The following FBXW2 variants were observed in gnomAD, a reference collection of about 807,000 sequenced individuals.
FBXW2 encodes the protein F-box and WD repeat domain containing 2.
Under a neutral mutation model 46.0 loss-of-function variants are expected in FBXW2, and 12 were observed. The ratio of observed to expected loss-of-function variants is 0.26; its 90% CI spans 0.17 to 0.42. The LOEUF is 0.42. FBXW2 is among the 10% of genes least tolerant of loss of function. The pLI, the probability that FBXW2 is intolerant of heterozygous loss-of-function variation, is 1.00. For missense variants in FBXW2, 360 were observed against 537.0 expected, an observed-to-expected ratio of 0.67 and a Z score of 3.26; for synonymous variants, 203 against 209.6, an observed-to-expected ratio of 0.97 and a Z score of 0.27.
chr9:120,770,299 C>G (rs1299851919), intron 7 of FBXW2, among the ~76,000 whole-genome samples: 1 of 151,678 alleles, frequency 6.6e-6, no homozygotes, highest in Admixed American at 6.6e-5. Context: ...TGGTGTGAAC[C>G]CTGGAGGCGG....
At chr9:120,771,854 T>A (rs1166654277) in intron 6 of FBXW2, among the ~76,000 whole-genome samples, 1 of 149,594 alleles carries the variant, frequency 6.7e-6, no homozygotes, top group Non-Finnish European at 1.5e-5. Flanking sequence ...AGGTCAGGAG[T>A]TCAAGACCAG....
At chr9:120,785,522 C>CAGAGTGTCT (rs2044701487) in intron 3 of FBXW2, among the ~76,000 whole-genome samples, 1 of 152,218 alleles carries the variant, frequency 6.6e-6, no homozygotes, top group Admixed American at 6.5e-5. Context: ...CCAAAACCAG[C>CAGAGTGTCT]AGAGTGTCTA....
chr9:120,791,083 A>C (rs2044830266), intron 2 of FBXW2, among the ~76,000 whole-genome samples: 2 of 152,220 alleles, frequency 1.3e-5, no homozygotes, highest in Admixed American at 1.3e-4. Context: ...TGCAGAATGC[A>C]CTATTTAAAA....
intron 3 of FBXW2, among the ~76,000 whole-genome samples, chr9:120,783,354 C>T (rs1390841283): frequency 6.6e-6 from 1 of 152,020 alleles, no homozygotes; most frequent in Admixed American, 6.6e-5. Flanking sequence ...AAGAGGTCAC[C>T]AGTGATGCAG....
At chr9:120,786,396 C>T (rs2044724293) in intron 3 of FBXW2, among the ~76,000 whole-genome samples, 1 of 152,216 alleles carries the variant, frequency 6.6e-6, no homozygotes, top group Admixed American at 6.5e-5. Flanking sequence ...AAGGTGCTTG[C>T]TTCCCCTTCG....
At chr9:120,787,115 G>A (rs191648545) in intron 3 of FBXW2, among the ~76,000 whole-genome samples, 14 of 152,250 alleles carry the variant, frequency 9.2e-5, no homozygotes, top group Non-Finnish European at 1.5e-4. Flanking sequence ...TGGAACCTCC[G>A]CCTCCCGGGT....
chr9:120,784,877 C>T lies in FBXW2; in HGVS notation c.490+2892G>A, dbSNP rs528215306. On this transcript the variant is annotated intron_variant, in intron 3 of 7. Transcript: ENST00000608872. ...AGGAGGTTGCAGTGAGCCGAGACTG[C>T]GCCACTGCACTCTAGCCCGGGTGAC... Among the ~76,000 whole-genome samples, 128 of 147,610 alleles carry T rather than the reference C, an allele frequency of 8.7e-4. 1 individual carries two copies. Among genetic ancestry groups the T allele is most frequent in the African/African-American group, 3.0e-3 (118 of 39,938 alleles).
intron 3 of FBXW2, among the ~76,000 whole-genome samples, chr9:120,785,759 G>A (rs1218104270): frequency 6.6e-6 from 1 of 152,030 alleles, no homozygotes; most frequent in Non-Finnish European, 1.5e-5. Context: ...GCCGGGCACG[G>A]TGGCTCACGC....
Position 120,762,951 on chromosome 9 carries a change from C to G in FBXW2, c.*1608G>C, listed in dbSNP as rs1486302356. On this transcript the variant is annotated 3_prime_UTR_variant, in exon 8 of 8. Coordinates refer to ENST00000608872, the MANE Select transcript of FBXW2 (RefSeq NM_012164.4). ...TACTGCTTGCTCCCTCTACTCTCTC[C>G]CTGATTGTGACCACTAACATTTCCA... 1 of 152,160 alleles carries G rather than the reference C, an allele frequency of 6.6e-6. No homozygotes were observed. The highest frequency in any genetic ancestry group is 1.5e-5 in the Non-Finnish European group (1 of 68,038). The allele number at this position is 152,160 out of a possible 1,614,324, so 9.4% of individuals were successfully genotyped here. A position where few individuals can be genotyped will look rare whatever the true frequency, so the allele number is the denominator to read the frequency against.
Position 120,761,982 on chromosome 9 carries a change from G to C in FBXW2, c.*2577C>G, listed in dbSNP as rs2131262695. 6.6e-6 allele frequency: 1 copy of C among 152,340 alleles called. No homozygotes were observed. The highest frequency in any genetic ancestry group is 1.9e-4 in the East Asian group (1 of 5,188). The allele number at this position is 152,340 out of a possible 1,614,324, so 9.4% of individuals were successfully genotyped here. ...CCCTTTGAAGCTATTGGATAGATCT[G>C]AAAGTGAGGTAGGGTGGGGATGGTC... is the stretch of plus-strand genomic sequence containing the variant. On this transcript the variant is annotated 3_prime_UTR_variant, in exon 8 of 8. Transcript: ENST00000608872.
At chr9:120,771,689 T>C (rs2044378105) in intron 6 of FBXW2, among the ~76,000 whole-genome samples, 172 bp from the exon 7 acceptor site, 1 of 152,176 alleles carries the variant, frequency 6.6e-6, no homozygotes, top group South Asian at 2.1e-4. Context: ...TGTGCAATCT[T>C]GGGTAAATTA....
At chr9:120,781,677 T>TATAC (rs1411009189) in intron 3 of FBXW2, among the ~76,000 whole-genome samples, 27 of 119,458 alleles carry the variant, frequency 2.3e-4, no homozygotes, top group South Asian at 6.3e-4. Flanking sequence ...CACACACACA[T>TATAC]ACACACACAC....
At chr9:120,773,131 G>C (rs1400736509) in intron 5 of FBXW2, among the ~76,000 whole-genome samples, 2 of 151,300 alleles carry the variant, frequency 1.3e-5, no homozygotes, top group East Asian at 3.9e-4. Flanking sequence ...AGGATGCAGT[G>C]AGCTATGATT....
chr9:120,788,353 T>C (rs1331774550), intron 2 of FBXW2, 75 bp from the exon 3 acceptor site: 1 of 1,399,110 alleles, frequency 7.1e-7, no homozygotes, highest in East Asian at 2.3e-5. Context: ...AAATGAAGTA[T>C]TAAAAATTAG....
Position 120,787,895 on chromosome 9 carries a change from C to T in FBXW2, c.364G>A (p.Val122Ile). Residue 122 changes from valine to isoleucine, a missense_variant, in exon 3 of 8, where the codon GTT becomes ATT. Val to Ile is a conservative substitution (Grantham distance 29). Transcript: ENST00000608872. ...ATTCTCAAAATAGCCTTCAAATAAA[C>T]CTTCTTCCAGTGCAAAGCGTCCTGA... ...SVQDALHWKK[V>I]YLKAILRMKQ... The T allele has an allele frequency of 1.2e-6, 2 of 1,614,190 alleles. No homozygotes were observed. Among genetic ancestry groups the T allele is most frequent in the East Asian group, 2.2e-5 (1 of 44,890 alleles).
chr9:120,786,516 G>T (rs374574642), intron 3 of FBXW2, among the ~76,000 whole-genome samples: 103 of 152,198 alleles, frequency 6.8e-4, no homozygotes, highest in African/African-American at 2.3e-3. Context: ...TAAATTACCC[G>T]GTCTTAGGCA....
chr9:120,773,093 G>C (rs2044414248), intron 5 of FBXW2, among the ~76,000 whole-genome samples: 1 of 151,918 alleles, frequency 6.6e-6, no homozygotes, highest in African/African-American at 2.4e-5. Context: ...AGGCTGAGGT[G>C]GGAGGATTGC....
intron 6 of FBXW2, 53 bp from the exon 7 acceptor site, chr9:120,771,570 G>A: frequency 6.6e-7 from 1 of 1,505,656 alleles, no homozygotes; most frequent in Non-Finnish European, 9.0e-7. Context: ...CTACAGAAAA[G>A]CTTGTCCTTA....
At position 120,759,029 on chromosome 9, in the gene FBXW2, ACC is replaced by A. The variant is rs1227162742; in HGVS notation, c.*5528_*5529del. On this transcript the variant is annotated 3_prime_UTR_variant, in exon 8 of 8. Transcript: ENST00000608872. The stretch of plus-strand genomic sequence containing the variant: ...CAGAAATGGTTATATTGTTGAGTTT[ACC>A]TTCTAGAAGATGCAGAAACAGTAAA... 4 of 152,174 alleles carry A rather than the reference ACC, an allele frequency of 2.6e-5. No homozygotes were observed. Among genetic ancestry groups the A allele is most frequent in the African/African-American group, 9.7e-5 (4 of 41,450 alleles). 9.4% of individuals were successfully genotyped at this position (152,174 alleles called of 1,614,324 possible).
Sources: allele counts gnomAD v4.1 joint callset (sites outside exome capture counted in the v4.1 genomes callset), GRCh38; gene constraint gnomAD v4.1.1; transcripts MANE v1.5; gene names NCBI Gene and HGNC (gene_info 2026-07-23, HGNC 2026-07-21).